The following MYLK4 variants were observed in gnomAD, a reference collection of about 807,000 sequenced individuals.
The protein encoded by MYLK4 is myosin light chain kinase family member 4, also known as caMLCK like.
In MYLK4, 46 loss-of-function variants were observed where a neutral mutation model predicts 48.1. The ratio of observed to expected loss-of-function variants is 0.96; its 90% CI spans 0.75 to 1.22. The LOEUF (loss-of-function observed/expected upper bound fraction) is 1.22, where lower values mean the gene tolerates loss of function less well. Ranked by LOEUF, MYLK4 falls within the 50% of genes most tolerant of loss-of-function variation. The pLI is 0.00. For synonymous variants in MYLK4, 170 were observed against 180.8 expected, an observed-to-expected ratio of 0.94 and a Z score of 0.48; for missense variants, 451 against 486.1, an observed-to-expected ratio of 0.93 and a Z score of 0.68.
chr6:2,756,752 T>C, the MYLK4 span, among the ~76,000 whole-genome samples: 1 of 152,216 alleles, frequency 6.6e-6, no homozygotes, highest in Non-Finnish European at 1.5e-5. Context: ...AAGGTAAAAT[T>C]CATACTACTG....
At chr6:2,760,015 TAATAAAA>T in the MYLK4 span, among the ~76,000 whole-genome samples, 130 of 152,280 alleles carry the variant, frequency 8.5e-4, no homozygotes, top group African/African-American at 2.9e-3. Flanking sequence ...GCAGTACAAT[TAATAAAA>T]AATAGGACAA....
Position 2,673,879 on chromosome 6 carries a change from T to C in MYLK4, c.1119+1168A>G, listed in dbSNP as rs908837989. Among the ~76,000 whole-genome samples the C allele has an allele frequency of 6.6e-6, 1 of 152,122 alleles. No homozygotes were observed. The highest frequency in any genetic ancestry group is 2.4e-5 in the African/African-American group (1 of 41,406). ...TTCCAGAGGTAATTAGGGGATATCA[T>C]GTACACAACATGGAGGTAAATTAAA... On this transcript the variant is annotated intron_variant, in intron 11 of 12. Coordinates refer to ENST00000274643, the MANE Select transcript of MYLK4 (RefSeq NM_001012418.5). This position sits in a 1 kb window ranked among gnomAD's most constrained non-coding sequence, Gnocchi z 4.2.
chr6:2,724,111 CA>C (rs1181357056), intron 2 of MYLK4, among the ~76,000 whole-genome samples: 1 of 152,156 alleles, frequency 6.6e-6, no homozygotes, highest in Non-Finnish European at 1.5e-5. Context: ...CTCCTGACCT[CA>C]AATGATCCAC....
At chr6:2,695,835 G>A (rs913548902) in intron 2 of MYLK4, among the ~76,000 whole-genome samples, 3 of 152,174 alleles carry the variant, frequency 2.0e-5, no homozygotes, top group African/African-American at 7.2e-5. Flanking sequence ...GCTCAAGTTT[G>A]TAGATACACC....
chr6:2,686,713 T>G (rs914491797), intron 4 of MYLK4, among the ~76,000 whole-genome samples: 2 of 152,198 alleles, frequency 1.3e-5, no homozygotes, highest in Non-Finnish European at 2.9e-5. Flanking sequence ...ACTGTGGGGC[T>G]GCACACCCAG....
intron 2 of MYLK4, among the ~76,000 whole-genome samples, chr6:2,714,542 C>T (rs2113262483): frequency 6.6e-6 from 1 of 152,312 alleles, no homozygotes; most frequent in South Asian, 2.1e-4. Context: ...CTGGGCATAG[C>T]CCCAATTTGG....
At chr6:2,726,779 ATTT>A (rs1206462976) in intron 2 of MYLK4, among the ~76,000 whole-genome samples, 1 of 151,756 alleles carries the variant, frequency 6.6e-6, no homozygotes, top group Admixed American at 6.6e-5. Context: ...TGCCAGGCTA[ATTT>A]TTTTATTTTT....
At chr6:2,680,525 C>T in intron 7 of MYLK4, 1 of 985,414 alleles carries the variant, frequency 1.0e-6, no homozygotes, top group Non-Finnish European at 1.2e-6. Flanking sequence ...TCACAGTTCA[C>T]CATAATGCCT....
At chr6:2,722,919 G>A (rs1763122947) in intron 2 of MYLK4, among the ~76,000 whole-genome samples, 1 of 152,122 alleles carries the variant, frequency 6.6e-6, no homozygotes, top group African/African-American at 2.4e-5. Flanking sequence ...ATGACAATTT[G>A]AGAACCTATT....
chr6:2,701,758 G>GCAGAACCT (rs1411962135), intron 2 of MYLK4, among the ~76,000 whole-genome samples: 2 of 152,212 alleles, frequency 1.3e-5, no homozygotes, highest in African/African-American at 4.8e-5. Context: ...TGCTAGCAAT[G>GCAGAACCT]CAGAACCTCA....
intron 2 of MYLK4, among the ~76,000 whole-genome samples, chr6:2,734,618 ACAC>A (rs1763601986): frequency 6.6e-6 from 1 of 152,214 alleles, no homozygotes; most frequent in Non-Finnish European, 1.5e-5. Context: ...TATATAATAT[ACAC>A]TCATACACAT....
At chr6:2,716,658 A>G (rs6913591) in intron 2 of MYLK4, among the ~76,000 whole-genome samples, 27,506 of 152,142 alleles carry the variant, frequency 0.18, 2,558 homozygotes, top group Admixed American at 0.22. Context: ...TGATCCACAC[A>G]TTATCAGTTA....
chr6:2,754,576 T>C (rs367868318), upstream of MYLK4, among the ~76,000 whole-genome samples: 89 of 152,344 alleles, frequency 5.8e-4, no homozygotes, highest in African/African-American at 2.1e-3. Context: ...TGTGTGGTAG[T>C]GATGACTGTA....
At chr6:2,692,347 T>C (rs1158298066) in intron 3 of MYLK4, among the ~76,000 whole-genome samples, 2 of 152,182 alleles carry the variant, frequency 1.3e-5, no homozygotes, top group Non-Finnish European at 2.9e-5. Flanking sequence ...TAGAGAGGCA[T>C]TGGTCTTCTC....
intron 2 of MYLK4, among the ~76,000 whole-genome samples, chr6:2,745,043 G>A (rs1764029671): frequency 6.6e-6 from 1 of 152,192 alleles, no homozygotes; most frequent in African/African-American, 2.4e-5. Context: ...GAACAGGCAG[G>A]TGGGGAAAAC....
At chr6:2,714,536 G>T (rs890012027) in intron 2 of MYLK4, among the ~76,000 whole-genome samples, 6 of 152,164 alleles carry the variant, frequency 3.9e-5, no homozygotes, top group Admixed American at 1.3e-4. Flanking sequence ...TCTTTCCTGG[G>T]CATAGCCCCA....
chr6:2,697,389 T>A (rs1254535251), intron 2 of MYLK4, among the ~76,000 whole-genome samples: 4 of 152,252 alleles, frequency 2.6e-5, no homozygotes, highest in African/African-American at 9.6e-5. Context: ...CCAGTTTTGA[T>A]TATTTAAGCA....
chr6:2,719,594 T>C (rs1762995136), intron 2 of MYLK4, among the ~76,000 whole-genome samples: 1 of 152,218 alleles, frequency 6.6e-6, no homozygotes, highest in Non-Finnish European at 1.5e-5. Context: ...TGGTGATTTA[T>C]TAATTATAAA....
chr6:2,714,330 A>C (rs6596895), intron 2 of MYLK4, among the ~76,000 whole-genome samples: 129,817 of 152,268 alleles, frequency 0.85, 55,435 homozygotes, highest in Admixed American at 0.89. Context: ...TTCTAAGTAA[A>C]CTGCCCCTCA....
Sources: gnomAD v4.1 joint callset for allele counts (sites outside exome capture counted in the v4.1 genomes callset) on GRCh38, gnomAD v4.1.1 for gene constraint, Gnocchi (gnomAD v3.1) non-coding constraint, MANE v1.5 for transcripts, NCBI Gene and HGNC (gene_info 2026-07-23, HGNC 2026-07-21) for gene names.